ATAD5: variants seen among roughly 807,000 people sequenced by gnomAD.
ATAD5 encodes ATPase family AAA domain containing 5, also known as ATPase family AAA domain-containing protein 5.
Under a neutral mutation model 176.9 loss-of-function variants are expected in ATAD5, and 58 were observed. The ratio of observed to expected loss-of-function variants is 0.33; its 90% CI spans 0.27 to 0.41. The LOEUF is 0.41. Ranked by LOEUF, ATAD5 falls within the 10% of genes least tolerant of loss-of-function variation. ATAD5 has a pLI of 1.00. For missense variants in ATAD5, 1,789 were observed against 2,094.1 expected (o/e 0.85, Z 2.84); for synonymous variants, 640 against 712.6 (o/e 0.90, Z 1.62).
At chr17:30,837,159 A>G (rs1167156994) in intron 2 of ATAD5, 47 bp from the exon 3 acceptor site, 3 of 1,045,076 alleles carry the variant, frequency 2.9e-6, no homozygotes, top group Non-Finnish European at 4.1e-6. Context: ...ATTCTTGTGT[A>G]TGTTATAATC....
chr17:30,893,998 C>G lies in ATAD5; in HGVS notation c.5145C>G (p.Leu1715=), dbSNP rs1444753791. Residue 1715 remains leucine, a synonymous_variant, in exon 21 of 23, where the codon CTC becomes CTG. Transcript: ENST00000321990. ...AATTAAAGGCAGCTGCAGAAGCTCTCAGCTTTACTAAATGTTCTTCTGCTA... is the reference window on the plus strand; with the variant it reads ...AATTAAAGGCAGCTGCAGAAGCTCTGAGCTTTACTAAATGTTCTTCTGCTA... ...SGELKAAAEA[L]SFTKCSSAIS... is the part of the protein sequence containing the mutation. 3 of 1,613,784 alleles carry G rather than the reference C, an allele frequency of 1.9e-6. No homozygotes were observed. The highest frequency in any genetic ancestry group is 2.5e-6 in the Non-Finnish European group (3 of 1,179,804).
At chr17:30,882,164 G>A (rs1463242541) in intron 18 of ATAD5, among the ~76,000 whole-genome samples, 1 of 151,944 alleles carries the variant, frequency 6.6e-6, no homozygotes, top group Non-Finnish European at 1.5e-5. Flanking sequence ...GCTGAGGCAG[G>A]AGAATTGCTC....
rs1335973549 is a variant in ATAD5, at chr17:30,895,086, A to G, written c.*173A>G. ...TTAAAATATTTGAGTTACAAATTTT[A>G]TATATGATTGTAATTTTTTTTCTGA... On this transcript the variant is annotated 3_prime_UTR_variant, in exon 23 of 23. Coordinates refer to ENST00000321990, the MANE Select transcript of ATAD5 (RefSeq NM_024857.5). 20 of 471,766 alleles carry G rather than the reference A, an allele frequency of 4.2e-5. No homozygotes were observed. Among genetic ancestry groups the G allele is most frequent in the Non-Finnish European group, 6.5e-5 (18 of 275,782 alleles). The allele number at this position is 471,766 out of a possible 1,614,324, so 29.2% of individuals were successfully genotyped here.
chr17:30,836,903 A>G (rs867500815), intron 2 of ATAD5, among the ~76,000 whole-genome samples: 4 of 152,144 alleles, frequency 2.6e-5, no homozygotes, highest in Admixed American at 6.6e-5. Context: ...TTTGAAACTG[A>G]TGGGAATTAT....
At chr17:30,851,232 C>T (rs1437172651) in intron 6 of ATAD5, among the ~76,000 whole-genome samples, 1 of 149,020 alleles carries the variant, frequency 6.7e-6, no homozygotes, top group Non-Finnish European at 1.5e-5. Context: ...TGCGGTGGCT[C>T]ACATCTATAA....
intron 19 of ATAD5, among the ~76,000 whole-genome samples, chr17:30,888,476 C>A (rs770568069): frequency 1.3e-5 from 2 of 151,668 alleles, no homozygotes; most frequent in African/African-American, 4.9e-5. Flanking sequence ...TCTGGGAGAT[C>A]GAGGCTGCAG....
chr17:30,871,487 A>G (rs1410303246), intron 14 of ATAD5, among the ~76,000 whole-genome samples: 31 of 151,864 alleles, frequency 2.0e-4, no homozygotes, highest in Non-Finnish European at 4.4e-5. Flanking sequence ...AGCTGGGATT[A>G]TAGGCAACCG....
Position 30,869,270 on chromosome 17 carries a change from T to C in ATAD5, c.3336T>C (p.Phe1112=). ...KHEDFSGGID[F]KGSSDDEEES... is the part of the protein sequence containing the mutation. ...CAGATTTCTCGGGTGGCATAGACTTTAAAGGCAGTTCAGATGATGAAGAAG... is the reference window on the plus strand; with the variant it reads ...CAGATTTCTCGGGTGGCATAGACTTCAAAGGCAGTTCAGATGATGAAGAAG... The change falls in exon 13 of 23, where the codon TTT becomes TTC. Residue 1112 remains phenylalanine, a synonymous_variant. Coordinates refer to ENST00000321990, the MANE Select transcript of ATAD5 (RefSeq NM_024857.5). The C allele has an allele frequency of 6.2e-7, 1 of 1,611,006 alleles. No homozygotes were observed. The highest frequency in any genetic ancestry group is 8.5e-7 in the Non-Finnish European group (1 of 1,179,340).
intron 18 of ATAD5, among the ~76,000 whole-genome samples, chr17:30,884,641 C>T (rs2142438451): frequency 6.6e-6 from 1 of 150,550 alleles, no homozygotes; most frequent in South Asian, 2.1e-4. Context: ...GTTGGCCAGG[C>T]TTGTCTCGAA....
At chr17:30,836,153 C>A in intron 2 of ATAD5, 105 bp downstream of exon 2, 1 of 960,116 alleles carries the variant, frequency 1.0e-6, no homozygotes, top group Non-Finnish European at 1.5e-6. Flanking sequence ...TAGAACACAG[C>A]TGTTTAAAAG....
Position 30,892,731 on chromosome 17 carries a change from C to A in ATAD5, c.4383C>A (p.Thr1461=). 6.3e-7 allele frequency: 1 copy of A among 1,583,524 alleles called. No individual in the cohort carries two copies. The highest frequency in any genetic ancestry group is 8.6e-7 in the Non-Finnish European group (1 of 1,166,692). Residue 1461 remains threonine, a synonymous_variant, in exon 20 of 23, where the codon ACC becomes ACA. Transcript: ENST00000321990. ...AATGTGACAGTGGCTGTGCTGAGAC[C>A]TTGTTTGGCCTTAAGAACATTTTTT... ...LPKCDSGCAE[T]LFGLKNIFSP...
chr17:30,869,132 AAGTAATTTTTC>A, intron 12 of ATAD5, 105 bp from the exon 13 acceptor site: 1 of 1,262,026 alleles, frequency 7.9e-7, no homozygotes, highest in Non-Finnish European at 1.1e-6. Context: ...GGCCTGTATA[AAGTAATTTTTC>A]AGCATCTATT....
Position 30,844,894 on chromosome 17 carries a change from G to A in ATAD5, c.2428G>A (p.Val810Ile), listed in dbSNP as rs1257860857. The A allele has an allele frequency of 6.3e-7, 1 of 1,583,342 alleles. No individual in the cohort carries two copies. Among genetic ancestry groups the A allele is most frequent in the South Asian group, 1.2e-5 (1 of 84,774 alleles). ...AAAAGCACAAAAAGCAGCTGATCCT[G>A]TCCCTAGTTTTGATGAAAGCAGGTC... is the stretch of plus-strand genomic sequence containing the variant. ...VRKAQKAADP[V>I]PSFDESSQDT... Residue 810 changes from valine to isoleucine, a missense_variant, in exon 6 of 23, where the codon GTC becomes ATC. Around this residue, in one of 6 missense-constraint regions of ATAD5, gnomAD observed 487 missense variants for 573.6 expected, o/e 0.85. Transcript: ENST00000321990.
intron 18 of ATAD5, among the ~76,000 whole-genome samples, chr17:30,881,181 G>A (rs1343198499): frequency 6.6e-6 from 1 of 151,454 alleles, no homozygotes; most frequent in Non-Finnish European, 1.5e-5. Context: ...CCAGCACTTT[G>A]GGAGGCTGAG....
intron 6 of ATAD5, among the ~76,000 whole-genome samples, chr17:30,850,116 G>A (rs2142342369): frequency 6.6e-6 from 1 of 152,010 alleles, no homozygotes; most frequent in East Asian, 1.9e-4. Context: ...ACTCCAGCTT[G>A]GGTAACAGAG....
chr17:30,839,046 G>A (rs972087252), intron 3 of ATAD5, among the ~76,000 whole-genome samples: 1 of 151,184 alleles, frequency 6.6e-6, no homozygotes. Context: ...GGCTGGTCTC[G>A]AACTGCTAGC....
At chr17:30,847,481 C>T (rs1340283073) in intron 6 of ATAD5, among the ~76,000 whole-genome samples, 3 of 150,636 alleles carry the variant, frequency 2.0e-5, no homozygotes, top group African/African-American at 4.9e-5. Flanking sequence ...CAGGCATCCG[C>T]CACCACGCCT....
intron 14 of ATAD5, 36 bp downstream of exon 14, chr17:30,869,682 GA>G (rs1243990064): frequency 6.5e-7 from 1 of 1,543,506 alleles, no homozygotes; most frequent in Non-Finnish European, 8.7e-7. Context: ...ATAATGTTTT[GA>G]AAAAAATAAA....
At chr17:30,852,891 C>CTT (rs534378483) in intron 6 of ATAD5, among the ~76,000 whole-genome samples, 77 of 141,628 alleles carry the variant, frequency 5.4e-4, no homozygotes, top group African/African-American at 1.6e-3. Context: ...ATATTTCTTT[C>CTT]TTTTTTTTTT....
Sources: gnomAD v4.1 joint callset for allele counts (sites outside exome capture counted in the v4.1 genomes callset) on GRCh38, gnomAD v4.1.1 for gene constraint, gnomAD v4.1.1 regional missense constraint, MANE v1.5 for transcripts, NCBI Gene and HGNC (gene_info 2026-07-23, HGNC 2026-07-21) for gene names.